The following TMEM175 variants were observed in gnomAD, a reference collection of about 807,000 sequenced individuals.
The protein encoded by TMEM175 is endosomal/lysosomal proton channel TMEM175.
In TMEM175, 36 loss-of-function variants were observed where a neutral mutation model predicts 36.5. The observed-to-expected ratio is 0.99, with a 90% CI of 0.76 to 1.30. The LOEUF (loss-of-function observed/expected upper bound fraction) is 1.30, where lower values mean the gene tolerates loss of function less well. Among genes scored for constraint, TMEM175 ranks in the 50% most tolerant of loss-of-function variants. The pLI is 0.00. For missense variants in TMEM175, 705 were observed against 692.8 expected (o/e 1.02, Z -0.20); for synonymous variants, 339 against 313.4 (o/e 1.08, Z -0.86).
Position 951,820 on chromosome 4 carries a change from A to G in TMEM175, c.378+103A>G. On this transcript the variant is annotated intron_variant, in intron 6 of 10. Coordinates refer to ENST00000264771, the MANE Select transcript of TMEM175 (RefSeq NM_032326.4). ...AGCTGGATGGCCCAGGGCCCAGGCC[A>G]CACGGTTGTAGAGAAGAGAGAAGGT... is the stretch of plus-strand genomic sequence containing the variant. 4 of 1,266,340 alleles carry G rather than the reference A, an allele frequency of 3.2e-6. No individual in the cohort carries two copies. The South Asian group carries it at 4.8e-5, about 15-fold the overall frequency. The allele number at this position is 1,266,340 out of a possible 1,614,324, so 78.4% of individuals were successfully genotyped here.
chr4:942,784 C>A (rs761470941), intron 1 of TMEM175, among the ~76,000 whole-genome samples: 1 of 151,960 alleles, frequency 6.6e-6, no homozygotes, highest in East Asian at 1.9e-4. Context: ...GGACTACAGG[C>A]GCACACCACT....
intron 1 of TMEM175, among the ~76,000 whole-genome samples, chr4:943,818 A>G (rs1727810260): frequency 6.6e-6 from 1 of 152,228 alleles, no homozygotes. Flanking sequence ...AAAATGAAAC[A>G]ATACACACGT....
intron 9 of TMEM175, 73 bp from the exon 10 acceptor site, chr4:955,682 G>T: frequency 6.4e-7 from 1 of 1,571,716 alleles, no homozygotes. Context: ...ATGGATGAGG[G>T]CGGTGACAGC....
rs1478359526 is a variant in TMEM175 at position 950,404 on chromosome 4, G to C, written c.193-17G>C. ...TCATGTCACCTGGGCTCTGACAGCAGTGCTCTTGTATTCCAGCAGTTCGAC... is the reference window on the plus strand; with the variant it reads ...TCATGTCACCTGGGCTCTGACAGCACTGCTCTTGTATTCCAGCAGTTCGAC... On this transcript the variant is annotated splice_polypyrimidine_tract_variant and intron_variant, in intron 3 of 10. Coordinates refer to ENST00000264771, the MANE Select transcript of TMEM175 (RefSeq NM_032326.4). The C allele has an allele frequency of 1.9e-6, 3 of 1,599,794 alleles. No homozygotes were observed. Among genetic ancestry groups the C allele is most frequent in the Admixed American group, 3.3e-5 (2 of 59,958 alleles).
At chr4:950,649 A>T (rs559698165) in intron 4 of TMEM175, 131 bp downstream of exon 4, 23 of 642,666 alleles carry the variant, frequency 3.6e-5, no homozygotes, top group African/African-American at 1.0e-4. Context: ...CCGCGTGGGG[A>T]TGGCAGGACT....
At chr4:952,280 G>A in intron 6 of TMEM175, 87 bp from the exon 7 acceptor site, 2 of 1,187,388 alleles carry the variant, frequency 1.7e-6, no homozygotes, top group Admixed American at 1.7e-5. Flanking sequence ...CCCGTGGAGT[G>A]GGGAGGCTCA....
rs1459350545 is a variant in TMEM175, at chr4:948,150, A to G, written c.188A>G (p.Glu63Gly). Residue 63 changes from glutamate (E) to glycine (G), a missense_variant, in exon 3 of 11, where the codon GAA (glutamate) becomes GGA (glycine). Glu to Gly is a moderately conservative substitution (Grantham distance 98). Transcript: ENST00000264771. ...GTGACCCACACGGAGATCTCCCCAG[A>G]ACAGGTAACGGGGCAGGCTGTGCTC... Reference protein sequence around the residue: ...LPVTHTEISPEQQFDRSVQRL... With the variant: ...LPVTHTEISPGQQFDRSVQRL... 1.9e-6 allele frequency: 3 copies of G among 1,614,140 alleles called. No individual in the cohort carries two copies. The highest frequency in any genetic ancestry group is 3.3e-5 in the Admixed American group (2 of 60,022).
At chr4:951,812 C>T in intron 6 of TMEM175, 95 bp downstream of exon 6, 2 of 1,324,130 alleles carry the variant, frequency 1.5e-6, no homozygotes, top group Non-Finnish European at 2.2e-6. Flanking sequence ...TGGCCCAGGG[C>T]CCAGGCCACA....
At chr4:951,533 C>A in intron 5 of TMEM175, 149 bp from the exon 6 acceptor site, 1 of 1,020,254 alleles carries the variant, frequency 9.8e-7, no homozygotes, top group Non-Finnish European at 1.5e-6. Context: ...CCCATCTGGC[C>A]CTGCAGGGTC....
intron 1 of TMEM175, among the ~76,000 whole-genome samples, chr4:938,816 C>G (rs1025639720): frequency 1.3e-5 from 2 of 152,206 alleles, no homozygotes; most frequent in African/African-American, 4.8e-5. Context: ...GTGCAGTTCT[C>G]AAATTCACCT....
chr4:952,629 TGTG>T (rs1729079446), intron 7 of TMEM175, among the ~76,000 whole-genome samples, 179 bp downstream of exon 7: 1 of 20,738 alleles, frequency 4.8e-5, no homozygotes, highest in South Asian at 1.5e-3. Flanking sequence ...GGTCCTGTGC[TGTG>T]TGTGTGTGTG....
intron 1 of TMEM175, among the ~76,000 whole-genome samples, chr4:938,289 A>G (rs185135714): frequency 2.0e-4 from 30 of 152,346 alleles, no homozygotes; most frequent in African/African-American, 5.5e-4. Flanking sequence ...GGGTCACCTG[A>G]GGTCAGGAGT....
chr4:950,744 G>A (rs1728769057), intron 4 of TMEM175, among the ~76,000 whole-genome samples: 1 of 149,226 alleles, frequency 6.7e-6, no homozygotes. Flanking sequence ...TGTGGATGGT[G>A]CAATAGGTGG....
chr4:951,360 G>A lies in TMEM175; in HGVS notation c.342+102G>A, dbSNP rs766974124. 55 of 1,317,118 alleles carry A rather than the reference G, an allele frequency of 4.2e-5. No individual in the cohort carries two copies. In the Admixed American group the frequency reaches 6.1e-4, roughly 15 times the overall value. 81.6% of individuals were successfully genotyped at this position (1,317,118 alleles called of 1,614,324 possible). On this transcript the variant is annotated intron_variant, in intron 5 of 10. Transcript: ENST00000264771. ...AGCCGGCCTCTCTCGTGACCTCCAG[G>A]GAGTCTCGGAGCCTGGAATCTGTCC...
chr4:944,830 G>T (rs1039806975), intron 1 of TMEM175, among the ~76,000 whole-genome samples: 1 of 152,192 alleles, frequency 6.6e-6, no homozygotes, highest in Admixed American at 6.5e-5. Context: ...GCTGGCTGCG[G>T]TGGCTCTCGC....
chr4:939,228 G>A (rs1357971050), intron 1 of TMEM175, among the ~76,000 whole-genome samples: 1 of 152,214 alleles, frequency 6.6e-6, no homozygotes, highest in African/African-American at 2.4e-5. Flanking sequence ...GTTCATTGGA[G>A]AAAGAATAAT....
At chr4:938,443 G>T (rs1373226508) in intron 1 of TMEM175, among the ~76,000 whole-genome samples, 1 of 152,140 alleles carries the variant, frequency 6.6e-6, no homozygotes, top group Non-Finnish European at 1.5e-5. Flanking sequence ...AGTGGAGGTT[G>T]CAGTGAGCTG....
chr4:951,832 A>T (rs1019905340), intron 6 of TMEM175, 115 bp downstream of exon 6: 2 of 1,158,266 alleles, frequency 1.7e-6, no homozygotes, highest in Non-Finnish European at 2.6e-6. Context: ...ACGGTTGTAG[A>T]GAAGAGAGAA....
chr4:950,700 T>TAGGCAGAGGTGTGGATGGGGCAGG (rs1728758857), intron 4 of TMEM175, among the ~76,000 whole-genome samples, 182 bp downstream of exon 4: 1 of 151,556 alleles, frequency 6.6e-6, no homozygotes, highest in Admixed American at 6.6e-5. Flanking sequence ...GATGGTGCAG[T>TAGGCAGAGGTGTGGATGGGGCAGG]AGGCGGAGGT....
Sources: gnomAD v4.1 joint callset for allele counts (sites outside exome capture counted in the v4.1 genomes callset) on GRCh38, gnomAD v4.1.1 for gene constraint, MANE v1.5 for transcripts, NCBI Gene and HGNC (gene_info 2026-07-23, HGNC 2026-07-21) for gene names.